The following WDR62 variants were observed in gnomAD, a reference collection of about 807,000 sequenced individuals.
WDR62 encodes WD repeat domain 62, also known as WD repeat-containing protein 62.
In WDR62, 112 loss-of-function variants were observed where a neutral mutation model predicts 160.6. That is an observed-to-expected ratio of 0.70 (90% CI 0.60 to 0.82). WDR62 has a LOEUF of 0.82. WDR62 is among the 40% of genes least tolerant of loss of function. The pLI is 0.00. For missense variants in WDR62, 1,819 were observed against 1,983.8 expected (o/e 0.92, Z 1.58); for synonymous variants, 792 against 815.1 (o/e 0.97, Z 0.48).
At position 36,066,298 on chromosome 19, in the gene WDR62, G is replaced by A. The variant is rs144119613; in HGVS notation, c.432G>A (p.Glu144=). ...RPAVRIWDVE[E]KNQVAEMLGH... ...CTGTGCGCATCTGGGATGTGGAGGA[G>A]AAGAATCAGGTGGCGGAGATGCTAG... Residue 144 remains glutamate (E), a synonymous_variant, in exon 5 of 32, where the codon GAG becomes GAA. Transcript: ENST00000401500. 1.7e-5 allele frequency: 28 copies of A among 1,614,246 alleles called. No individual in the cohort carries two copies. In the African/African-American group the frequency reaches 2.8e-4, roughly 16 times the overall value.
In WDR62 at chr19:36,104,711, G is replaced by A. The variant is rs759745133; in HGVS notation, c.4311+36G>A. 3.5e-5 allele frequency: 57 copies of A among 1,613,772 alleles called. 1 individual carries two copies. In the South Asian group the frequency reaches 6.0e-4, roughly 17 times the overall value. Reference sequence around the variant, plus strand: ...CCCCAGAGTTGGGAAAGGGTTGAGGGGTCTCTTGAGACCGCCCGGCCTTGG... The same window carrying A: ...CCCCAGAGTTGGGAAAGGGTTGAGGAGTCTCTTGAGACCGCCCGGCCTTGG... On this transcript the variant is annotated intron_variant, in intron 31 of 31. Coordinates refer to ENST00000401500, the MANE Select transcript of WDR62 (RefSeq NM_001083961.2).
In WDR62 at chr19:36,086,768, C is replaced by T. The variant is rs776569246; in HGVS notation, c.1724C>T (p.Thr575Met). Reference protein sequence around the residue: ...NVEKNYNLEQTLDDHSSSITA... With the variant: ...NVEKNYNLEQMLDDHSSSITA... ...GAGAAGAACTACAACCTGGAGCAGACGCTGGATGACCACTCCTCCTCCATC... is the reference window on the plus strand; with the variant it reads ...GAGAAGAACTACAACCTGGAGCAGATGCTGGATGACCACTCCTCCTCCATC... Residue 575 changes from threonine to methionine, a missense_variant, in exon 13 of 32, where the codon ACG (threonine) becomes ATG (methionine). Transcript: ENST00000401500. 6.2e-6 allele frequency: 10 copies of T among 1,608,892 alleles called. No homozygotes were observed. The highest frequency in any genetic ancestry group is 3.3e-5 in the South Asian group (3 of 90,122).
Position 36,100,797 on chromosome 19 carries a change from A to G in WDR62, c.2789A>G (p.Gln930Arg), listed in dbSNP as rs1461824390. 6.2e-7 allele frequency: 1 copy of G among 1,614,214 alleles called. No homozygotes were observed. Among genetic ancestry groups the G allele is most frequent in the South Asian group, 1.1e-5 (1 of 91,088 alleles). Residue 930 changes from glutamine to arginine, a missense_variant, in exon 23 of 32, where the codon CAG becomes CGG. By Grantham distance (43) the Gln-to-Arg change is conservative. Coordinates refer to ENST00000401500, the MANE Select transcript of WDR62 (RefSeq NM_001083961.2). The stretch of plus-strand genomic sequence containing the variant: ...CGCGGGCACCCCTCCTTCCTGCCCC[A>G]GCAGAAGGAATCATCTGAGGCCAGT... ...AGRGHPSFLP[Q>R]QKESSEASEL...
intron 24 of WDR62, 104 bp downstream of exon 24, chr19:36,101,421 T>C: frequency 9.0e-7 from 1 of 1,105,234 alleles, no homozygotes; most frequent in Non-Finnish European, 1.4e-6. Context: ...GCTCAGAGTC[T>C]GTCGAGGAAG....
chr19:36,060,105 G>A (rs1970571267), intron 3 of WDR62, 75 bp downstream of exon 3: 5 of 1,445,834 alleles, frequency 3.5e-6, no homozygotes, highest in Middle Eastern at 1.8e-4. Context: ...ACACAGCCTG[G>A]AGATACTCAT....
At chr19:36,090,398 G>A in intron 15 of WDR62, 47 bp from the exon 16 acceptor site, 3 of 1,581,440 alleles carry the variant, frequency 1.9e-6, no homozygotes, top group Non-Finnish European at 2.6e-6. Flanking sequence ...ATGAGGTGGT[G>A]GGGTAGGCGG....
rs1555719998 is a variant in WDR62 at position 36,091,524 on chromosome 19, C to G, written c.2210+59C>G. ...AGATACCATGAGCACTGCACTCAGC[C>G]TGCCTGTGTAGAGAGCATTTCTAAA... On this transcript the variant is annotated intron_variant, in intron 18 of 31. Transcript: ENST00000401500. The G allele has an allele frequency of 5.2e-6, 8 of 1,531,714 alleles. No homozygotes were observed. The South Asian group carries it at 6.7e-5, about 13-fold the overall frequency. The allele number at this position is 1,531,714 out of a possible 1,614,324, so 94.9% of individuals were successfully genotyped here.
chr19:36,105,282 C>A (rs1231171483), downstream of WDR62, among the ~76,000 whole-genome samples: 2 of 152,176 alleles, frequency 1.3e-5, no homozygotes, highest in African/African-American at 4.8e-5. Context: ...TCCTCCCACA[C>A]TGCCCACAGA....
intron 1 of WDR62, 65 bp from the exon 2 acceptor site, chr19:36,058,715 A>G: frequency 7.3e-7 from 1 of 1,371,564 alleles, no homozygotes. Flanking sequence ...ATGGGTGGCC[A>G]AGGCGGCTGC....
chr19:36,103,255 G>A (rs780282277), intron 29 of WDR62, 48 bp downstream of exon 29: 50 of 1,611,792 alleles, frequency 3.1e-5, no homozygotes, highest in Non-Finnish European at 3.7e-5. Context: ...CTCGGCGAGT[G>A]GCCGGATGTC....
At chr19:36,058,746 G>A in intron 1 of WDR62, 34 bp from the exon 2 acceptor site, 1 of 1,585,082 alleles carries the variant, frequency 6.3e-7, no homozygotes, top group Non-Finnish European at 8.7e-7. Context: ...GCTGGCTAGG[G>A]TGGGTGCCTC....
intron 15 of WDR62, 64 bp from the exon 16 acceptor site, chr19:36,090,381 C>A: frequency 6.6e-7 from 1 of 1,517,634 alleles, no homozygotes; most frequent in Non-Finnish European, 9.2e-7. Context: ...ACAGCAAGAG[C>A]CAGAGAATGA....
intron 3 of WDR62, chr19:36,061,783 C>G (rs551440317): frequency 4.9e-4 from 74 of 152,302 alleles, no homozygotes; most frequent in African/African-American, 1.6e-3. Context: ...ACCGCCCCCC[C>G]ACCGCCACGC....
chr19:36,071,738 G>A (rs1186067699), intron 8 of WDR62, 22 bp downstream of exon 8: 3 of 1,603,466 alleles, frequency 1.9e-6, no homozygotes, highest in Non-Finnish European at 1.7e-6. Context: ...TGGGGAGAGG[G>A]AATGGGAGGG....
At chr19:36,069,781 G>T (rs1010953145) in intron 7 of WDR62, among the ~76,000 whole-genome samples, 3 of 152,358 alleles carry the variant, frequency 2.0e-5, no homozygotes, top group African/African-American at 4.8e-5. Flanking sequence ...TCGCGGTTAG[G>T]AGCTGGAGAC....
intron 30 of WDR62, among the ~76,000 whole-genome samples, 190 bp from the exon 31 acceptor site, chr19:36,104,328 G>C (rs1185027663): frequency 6.6e-6 from 1 of 152,048 alleles, no homozygotes; most frequent in Non-Finnish European, 1.5e-5. Context: ...TTACAAACCA[G>C]AAGATAAGAA....
At chr19:36,101,084 G>A (rs1218773846) in intron 23 of WDR62, 130 bp from the exon 24 acceptor site, 5 of 1,144,448 alleles carry the variant, frequency 4.4e-6, no homozygotes, top group Admixed American at 4.0e-5. Flanking sequence ...GCATTTGGAG[G>A]AGGCGGGGAG....
rs1381925887 is a variant in WDR62 at position 36,086,670 on chromosome 19, A to G, written c.1643-17A>G. On this transcript the variant is annotated splice_polypyrimidine_tract_variant and intron_variant, in intron 12 of 31. Transcript: ENST00000401500. ...CACGCAGCCTTCAGGAACCAGTCTC[A>G]TTCTCTCCTCTCACAGGGCTGACCT... is the stretch of plus-strand genomic sequence containing the variant. 2 of 1,592,982 alleles carry G rather than the reference A, an allele frequency of 1.3e-6. No homozygotes were observed. The highest frequency in any genetic ancestry group is 1.7e-6 in the Non-Finnish European group (2 of 1,168,828).
chr19:36,093,667 T>G (rs1197559328), intron 19 of WDR62, among the ~76,000 whole-genome samples: 2 of 152,172 alleles, frequency 1.3e-5, no homozygotes, highest in Non-Finnish European at 2.9e-5. Flanking sequence ...CTGGCTTCAG[T>G]GCCTGCCTCA....
Sources: gnomAD v4.1 joint callset for allele counts (sites outside exome capture counted in the v4.1 genomes callset) on GRCh38, gnomAD v4.1.1 for gene constraint, MANE v1.5 for transcripts, NCBI Gene and HGNC (gene_info 2026-07-23, HGNC 2026-07-21) for gene names.